The following TMEM232 variants were observed in gnomAD, a reference collection of about 807,000 sequenced individuals.
TMEM232 encodes transmembrane protein 232.
A neutral mutation model predicts 78.8 loss-of-function variants in TMEM232; 80 were observed. The observed-to-expected ratio is 1.01, with a 90% confidence interval of 0.85 to 1.22. The LOEUF is 1.22. Ranked by LOEUF, TMEM232 falls within the 50% of genes most tolerant of loss-of-function variation. The pLI is 0.00. For missense variants in TMEM232, 881 were observed against 742.2 expected, an observed-to-expected ratio of 1.19 and a Z score of -2.17; for synonymous variants, 297 against 254.3, an observed-to-expected ratio of 1.17 and a Z score of -1.60.
intron 1 of TMEM232, among the ~76,000 whole-genome samples, chr5:110,711,803 T>C (rs908534837): frequency 4.6e-5 from 7 of 152,118 alleles, no homozygotes; most frequent in Admixed American, 2.6e-4. Context: ...ATTAAAGAGT[T>C]ACATTTAAGA....
At chr5:110,675,574 C>T (rs1027292979) in intron 1 of TMEM232, among the ~76,000 whole-genome samples, 2 of 152,150 alleles carry the variant, frequency 1.3e-5, no homozygotes, top group African/African-American at 4.8e-5. Flanking sequence ...CTTAGAAGTA[C>T]ATTCTTTACC....
chr5:110,677,692 G>A (rs1792193785), intron 1 of TMEM232, among the ~76,000 whole-genome samples: 1 of 152,048 alleles, frequency 6.6e-6, no homozygotes, highest in Non-Finnish European at 1.5e-5. Context: ...TAGAGTAATA[G>A]GAGAACTTAT....
chr5:110,727,245 A>T (rs1029010630), upstream of TMEM232, among the ~76,000 whole-genome samples: 1 of 152,228 alleles, frequency 6.6e-6, no homozygotes, highest in Non-Finnish European at 1.5e-5. Flanking sequence ...CTAACGAGCA[A>T]CTGTATATAT....
chr5:110,485,912 T>C (rs943291018), intron 12 of TMEM232, among the ~76,000 whole-genome samples: 1 of 152,134 alleles, frequency 6.6e-6, no homozygotes, highest in South Asian at 2.1e-4. Flanking sequence ...ATAGTAGCTG[T>C]ATTAGTTTAC....
In TMEM232 at chr5:110,395,398, G is replaced by A. The variant is rs1042287138; in HGVS notation, n.390+2375C>T. ...TCAGGGGTTCTATATTCTCCTTTCA[G>A]CCCACAGTTGACCTTTAGCAAGTAA... On this transcript the variant is annotated intron_variant and non_coding_transcript_variant, in intron 3 of 8. Transcript: ENST00000507188. 1.1e-4 allele frequency among the ~76,000 whole-genome samples: 17 copies of A among 152,142 alleles called. 1 individual carries two copies. The highest frequency in any genetic ancestry group is 9.7e-4 in the East Asian group (5 of 5,172).
At chr5:110,464,788 A>C (rs1219407668) in intron 12 of TMEM232, among the ~76,000 whole-genome samples, 2 of 152,180 alleles carry the variant, frequency 1.3e-5, no homozygotes, top group African/African-American at 4.8e-5. Flanking sequence ...ACTCATATAT[A>C]CCATAAATCT....
At chr5:110,487,886 TTCTC>T (rs1388951285) in intron 12 of TMEM232, among the ~76,000 whole-genome samples, 5 of 152,008 alleles carry the variant, frequency 3.3e-5, no homozygotes, top group African/African-American at 1.2e-4. Context: ...GGTTCCTTCT[TTCTC>T]TATCTTGTGG....
intron 2 of TMEM232, among the ~76,000 whole-genome samples, chr5:110,648,422 T>C (rs1787821876): frequency 6.6e-6 from 1 of 152,038 alleles, no homozygotes; most frequent in South Asian, 2.1e-4. Context: ...AATAGAAATA[T>C]GTCCTATGTA....
At position 110,717,607 on chromosome 5, in the gene TMEM232, T is replaced by A. The variant is rs1012412665; in HGVS notation, c.-13+9020A>T. Among the ~76,000 whole-genome samples, 4 of 152,120 alleles carry A rather than the reference T, an allele frequency of 2.6e-5. No individual in the cohort carries two copies. In the South Asian group the frequency reaches 8.3e-4, roughly 31 times the overall value. ...ACAGGTCTGATATGATTTGGCTCTG[T>A]CCCCACCCAAATCTCATCTCGAATT... is the stretch of plus-strand genomic sequence containing the variant. On this transcript the variant is annotated intron_variant, in intron 1 of 13. Coordinates refer to ENST00000455884, the MANE Select transcript of TMEM232 (RefSeq NM_001039763.4).
At chr5:110,594,657 A>G (rs1779935172) in intron 10 of TMEM232, among the ~76,000 whole-genome samples, 1 of 152,170 alleles carries the variant, frequency 6.6e-6, no homozygotes, top group Non-Finnish European at 1.5e-5. Flanking sequence ...TCCAGTAGGC[A>G]GTTTTCCCCT....
chr5:110,710,430 AAGAC>A (rs1796356569), intron 1 of TMEM232, among the ~76,000 whole-genome samples: 1 of 152,094 alleles, frequency 6.6e-6, no homozygotes, highest in Non-Finnish European at 1.5e-5. Context: ...AAATCAGACA[AAGAC>A]ATATTAAAAA....
intron 2 of TMEM232, among the ~76,000 whole-genome samples, chr5:110,412,358 T>C (rs1010190597): frequency 6.6e-6 from 1 of 152,218 alleles, no homozygotes; most frequent in African/African-American, 2.4e-5. Context: ...CCTAATTTTC[T>C]TGCCATTGAT....
intron 10 of TMEM232, among the ~76,000 whole-genome samples, chr5:110,603,210 A>G (rs1239058434): frequency 6.6e-6 from 1 of 152,064 alleles, no homozygotes; most frequent in Non-Finnish European, 1.5e-5. Context: ...AAATTGAAGA[A>G]GATGGGTTTT....
intron 1 of TMEM232, among the ~76,000 whole-genome samples, chr5:110,692,831 G>T (rs891925620): frequency 6.6e-6 from 1 of 152,196 alleles, no homozygotes; most frequent in Non-Finnish European, 1.5e-5. Flanking sequence ...GCCCATCACA[G>T]CTCAAGGAGG....
chr5:110,511,135 TC>T (rs1415857259), intron 12 of TMEM232, among the ~76,000 whole-genome samples: 1 of 152,164 alleles, frequency 6.6e-6, no homozygotes, highest in African/African-American at 2.4e-5. Context: ...TGAGTTCATG[TC>T]CTTTGCAGAG....
chr5:110,640,992 T>G lies in TMEM232; in HGVS notation c.242A>C (p.Lys81Thr), dbSNP rs769352692. The G allele has an allele frequency of 8.4e-5, 128 of 1,525,550 alleles. No individual in the cohort carries two copies. Among genetic ancestry groups the G allele is most frequent in the Non-Finnish European group, 1.6e-5 (18 of 1,135,358 alleles). 94.5% of individuals were successfully genotyped at this position (1,525,550 alleles called of 1,614,324 possible). ...ARKIILRCKR[K>T]LGLKTLGSGR... ...AGAGCCCAGGGTTTTGAGACCCAAT[T>G]TTCTCTGTTATGAGGAAGCATGAAA... The change falls in exon 4 of 14, where the codon AAA becomes ACA. Residue 81 changes from lysine (K) to threonine (T), a missense_variant. Coordinates refer to ENST00000455884, the MANE Select transcript of TMEM232 (RefSeq NM_001039763.4).
Position 110,645,819 on chromosome 5 carries a change from T to A in TMEM232, c.126-3448A>T, listed in dbSNP as rs1007932261. 4.0e-5 allele frequency among the ~76,000 whole-genome samples: 6 copies of A among 151,248 alleles called. No individual in the cohort carries two copies. In the South Asian group the frequency reaches 1.2e-3, roughly 31 times the overall value. On this transcript the variant is annotated intron_variant, in intron 2 of 13. Transcript: ENST00000455884. ...TGACATATATGTAGACATTCCTAGA[T>A]AATCCACAAAAATCTCTTAGAACTA...
At chr5:110,546,644 C>T (rs776433724) in intron 11 of TMEM232, among the ~76,000 whole-genome samples, 5 of 152,016 alleles carry the variant, frequency 3.3e-5, no homozygotes, top group South Asian at 2.1e-4. Context: ...GAGTAGAATA[C>T]GTATTTTCTT....
In TMEM232 at chr5:110,583,399, T is replaced by C. The variant is rs542029191; in HGVS notation, c.1277-14774A>G. ...CCATGAATATATAATGGGAAAAGGATAGTCTCTTCAACAAATGGTGTTGGG... is the reference window on the plus strand; with the variant it reads ...CCATGAATATATAATGGGAAAAGGACAGTCTCTTCAACAAATGGTGTTGGG... On this transcript the variant is annotated intron_variant, in intron 10 of 13. Coordinates refer to ENST00000455884, the MANE Select transcript of TMEM232 (RefSeq NM_001039763.4). Among the ~76,000 whole-genome samples the C allele has an allele frequency of 2.6e-5, 4 of 152,032 alleles. No individual in the cohort carries two copies. The South Asian group carries it at 6.2e-4, about 24-fold the overall frequency.
Sources: allele counts gnomAD v4.1 joint callset (sites outside exome capture counted in the v4.1 genomes callset), GRCh38; gene constraint gnomAD v4.1.1; transcripts MANE v1.5; gene names NCBI Gene and HGNC (gene_info 2026-07-23, HGNC 2026-07-21).